Variants in NMRK2 observed in about 807,000 individuals in gnomAD.
NMRK2 encodes NRK 2.
NMRK2 carries 34 observed loss-of-function variants against 24.7 expected under a neutral mutation model. The ratio of observed to expected loss-of-function variants is 1.37; its 90% CI spans 1.05 to 1.83. The LOEUF (loss-of-function observed/expected upper bound fraction) is 1.83, where lower values mean the gene tolerates loss of function less well. NMRK2 is among the 40% of genes most tolerant of loss of function. NMRK2 has a pLI of 0.00. For missense variants in NMRK2, 341 were observed against 315.0 expected, an observed-to-expected ratio of 1.08 and a Z score of -0.62; for synonymous variants, 145 against 125.6, an observed-to-expected ratio of 1.15 and a Z score of -1.03.
At position 3,933,555 on chromosome 19, in the gene NMRK2, AC is replaced by A; in HGVS notation, c.-115del. 3 of 1,270,226 alleles carry A rather than the reference AC, an allele frequency of 2.4e-6. No individual in the cohort carries two copies. Among genetic ancestry groups the A allele is most frequent in the Non-Finnish European group, 3.2e-6 (3 of 939,570 alleles). 78.7% of individuals were successfully genotyped at this position (1,270,226 alleles called of 1,614,324 possible). On this transcript the variant is annotated 5_prime_UTR_variant, in exon 2 of 8. Coordinates refer to ENST00000168977, the MANE Select transcript of NMRK2 (RefSeq NM_170678.3). ...CCGGGGCGGCCTCCAGGCTGCCGAGACCTATAAAGGCGCCAGGTTTTCTCAA... is the reference window on the plus strand; with the variant it reads ...CCGGGGCGGCCTCCAGGCTGCCGAGACTATAAAGGCGCCAGGTTTTCTCAA...
rs2145305084 is a variant in NMRK2, at chr19:3,940,044, A to G, written c.395+73A>G. ...TGAATTACTGGGTGGAACCAGCGGT[A>G]ACCTAGAAAATGCCACTGGGGGCTG... On this transcript the variant is annotated intron_variant, in intron 6 of 7. Coordinates refer to ENST00000168977, the MANE Select transcript of NMRK2 (RefSeq NM_170678.3). 2.2e-6 allele frequency: 3 copies of G among 1,372,444 alleles called. No individual in the cohort carries two copies. In the East Asian group the frequency reaches 7.2e-5, roughly 33 times the overall value. 85.0% of individuals were successfully genotyped at this position (1,372,444 alleles called of 1,614,324 possible).
rs111826393 is a variant in NMRK2 at position 3,933,758 on chromosome 19, G to C, written c.26+61G>C. On this transcript the variant is annotated intron_variant, in intron 2 of 7. Coordinates refer to ENST00000168977, the MANE Select transcript of NMRK2 (RefSeq NM_170678.3). Reference sequence around the variant, plus strand: ...GGCAAAGCCCCCTGTGCGCGCAGAGGGGGAGGCCCGGGAATGAATGGAGGG... The same window carrying C: ...GGCAAAGCCCCCTGTGCGCGCAGAGCGGGAGGCCCGGGAATGAATGGAGGG... The C allele has an allele frequency of 2.5e-5, 34 of 1,358,180 alleles. 1 individual carries two copies. The African/African-American group carries it at 2.6e-4, about 10-fold the overall frequency. The allele number at this position is 1,358,180 out of a possible 1,614,324, so 84.1% of individuals were successfully genotyped here. A position where few individuals can be genotyped will look rare whatever the true frequency, so the allele number is the denominator to read the frequency against.
intron 5 of NMRK2, 81 bp downstream of exon 5, chr19:3,938,840 T>TTTTTTG (rs2039272592): frequency 2.5e-6 from 1 of 405,260 alleles, no homozygotes; most frequent in Non-Finnish European, 3.3e-6. Flanking sequence ...TTTTTTTTTT[T>TTTTTTG]TTTGTTTTGT....
At chr19:3,935,646 C>A (rs899993910) in intron 2 of NMRK2, among the ~76,000 whole-genome samples, 11 of 151,860 alleles carry the variant, frequency 7.2e-5, no homozygotes, top group African/African-American at 2.7e-4. Flanking sequence ...GTGAGGTGAT[C>A]ACAGCTCACT....
rs907328721 is a variant in NMRK2, at chr19:3,933,602, G to C, written c.-70G>C. The C allele has an allele frequency of 2.7e-6, 4 of 1,496,684 alleles. No homozygotes were observed. The highest frequency in any genetic ancestry group is 4.2e-5 in the Admixed American group (2 of 47,822). The allele number at this position is 1,496,684 out of a possible 1,614,324, so 92.7% of individuals were successfully genotyped here. ...CTCAATGAAGCCGGGACGCACTCCG[G>C]AGCGCACTGCGTGGTCGCACCCTAC... On this transcript the variant is annotated 5_prime_UTR_variant, in exon 2 of 8. Coordinates refer to ENST00000168977, the MANE Select transcript of NMRK2 (RefSeq NM_170678.3).
intron 2 of NMRK2, among the ~76,000 whole-genome samples, chr19:3,934,493 G>T (rs1340856420): frequency 6.6e-6 from 1 of 151,962 alleles, no homozygotes; most frequent in Non-Finnish European, 1.5e-5. Context: ...CAGAAGGGAC[G>T]GGAGCTTGGT....
At chr19:3,934,554 GTTTTTT>G (rs34611890) in intron 2 of NMRK2, among the ~76,000 whole-genome samples, 1 of 143,548 alleles carries the variant, frequency 7.0e-6, no homozygotes, top group Non-Finnish European at 1.5e-5. Flanking sequence ...GTTTTTTGGG[GTTTTTT>G]TTTTTGGGGG....
At position 3,939,892 on chromosome 19, in the gene NMRK2, C is replaced by T; in HGVS notation, c.324-8C>T. The T allele has an allele frequency of 6.2e-7, 1 of 1,612,472 alleles. No individual in the cohort carries two copies. Among genetic ancestry groups the T allele is most frequent in the Non-Finnish European group, 8.5e-7 (1 of 1,178,696 alleles). On this transcript the variant is annotated splice_polypyrimidine_tract_variant and splice_region_variant and intron_variant, in intron 5 of 7. Coordinates refer to ENST00000168977, the MANE Select transcript of NMRK2 (RefSeq NM_170678.3). ...AGGTGCTGACCGTGTCTCCCCCACTCCGCCCAGGCCCCTGGTGGACTTGTA... is the reference window on the plus strand; with the variant it reads ...AGGTGCTGACCGTGTCTCCCCCACTTCGCCCAGGCCCCTGGTGGACTTGTA...
intron 2 of NMRK2, among the ~76,000 whole-genome samples, chr19:3,935,569 TTATC>T (rs1201987945): frequency 2.0e-5 from 3 of 151,472 alleles, no homozygotes; most frequent in Admixed American, 6.6e-5. Context: ...ATTGTTTATA[TTATC>T]TATTTATGTA....
intron 5 of NMRK2, 74 bp from the exon 6 acceptor site, chr19:3,939,826 G>T (rs910730893): frequency 7.3e-7 from 1 of 1,364,406 alleles, no homozygotes; most frequent in Admixed American, 1.8e-5. Context: ...AGCCAAGGCT[G>T]GGGGGTTGGA....
At chr19:3,937,333 C>T (rs1299204954) in intron 4 of NMRK2, 45 bp downstream of exon 4, 7 of 1,541,262 alleles carry the variant, frequency 4.5e-6, no homozygotes, top group African/African-American at 2.7e-5. Context: ...CCCCGGGGTC[C>T]GCCCTCCTGC....
At chr19:3,936,291 C>G (rs1424357222) in intron 2 of NMRK2, among the ~76,000 whole-genome samples, 1 of 151,990 alleles carries the variant, frequency 6.6e-6, no homozygotes, top group Admixed American at 6.6e-5. Context: ...GCCTGTAGTC[C>G]CAGCTACTCA....
At chr19:3,938,941 C>T (rs1356678781) in intron 5 of NMRK2, among the ~76,000 whole-genome samples, 182 bp downstream of exon 5, 1 of 148,418 alleles carries the variant, frequency 6.7e-6, no homozygotes, top group Non-Finnish European at 1.5e-5. Flanking sequence ...CTCTGCCTCC[C>T]AGTCCAAGCA....
intron 3 of NMRK2, 112 bp from the exon 4 acceptor site, chr19:3,937,128 G>T: frequency 1.0e-6 from 1 of 996,988 alleles, no homozygotes. Context: ...GAGCCCCCAC[G>T]CCTCAGGGAC....
rs138158318 is a variant in NMRK2 at position 3,942,197 on chromosome 19, C to T, written c.617C>T (p.Ala206Val). 3 of 1,613,198 alleles carry T rather than the reference C, an allele frequency of 1.9e-6. No individual in the cohort carries two copies. The highest frequency in any genetic ancestry group is 2.5e-6 in the Non-Finnish European group (3 of 1,180,000). ...QESAPSPARP[A>V]RTQGPGRGCG... ...TCAGCCCCCTCCCCGGCTCGCCCAG[C>T]CAGGACACAGGGACCCGGACGCGGA... The change falls in exon 8 of 8, where the codon GCC (alanine) becomes GTC (valine). Residue 206 changes from alanine (A) to valine (V), a missense_variant. Transcript: ENST00000168977.
chr19:3,938,561 C>G (rs2039259960), intron 4 of NMRK2, 42 bp from the exon 5 acceptor site: 1 of 1,506,290 alleles, frequency 6.6e-7, no homozygotes, highest in African/African-American at 1.4e-5. Context: ...CCACTATCCC[C>G]CAGGGTCTGC....
chr19:3,934,467 G>A (rs2039176318), intron 2 of NMRK2, among the ~76,000 whole-genome samples: 1 of 152,004 alleles, frequency 6.6e-6, no homozygotes, highest in Non-Finnish European at 1.5e-5. Flanking sequence ...GCTTTGTGGG[G>A]CTCACACCCC....
intron 1 of NMRK2, 84 bp from the exon 2 acceptor site, chr19:3,933,374 A>C: frequency 7.1e-6 from 3 of 423,092 alleles, no homozygotes; most frequent in Non-Finnish European, 8.3e-6. Context: ...GGGAGGAGGG[A>C]GTGGAGAGAG....
chr19:3,938,849 GTT>G (rs59201914), intron 5 of NMRK2, 90 bp downstream of exon 5: 2,497 of 226,046 alleles, frequency 0.011, 8 homozygotes, highest in South Asian at 0.032. Flanking sequence ...TTTTTGTTTT[GTT>G]TTTTTTTTTT....
Sources: gnomAD v4.1 joint callset for allele counts (sites outside exome capture counted in the v4.1 genomes callset) on GRCh38, gnomAD v4.1.1 for gene constraint, MANE v1.5 for transcripts, NCBI Gene and HGNC (gene_info 2026-07-23, HGNC 2026-07-21) for gene names.